ZNF676: variants seen among roughly 807,000 people sequenced by gnomAD.
The protein encoded by ZNF676 is zinc finger protein 676.
Under a neutral mutation model 6.0 loss-of-function variants are expected in ZNF676, and 4 were observed. That is an observed-to-expected ratio of 0.67 (90% confidence interval 0.33 to 1.53). The LOEUF is 1.53. ZNF676 is among the 40% of genes most tolerant of loss of function. ZNF676 has a pLI of 0.06. For synonymous variants in ZNF676, 198 were observed against 223.1 expected (o/e 0.89, Z 1.00); for missense variants, 644 against 679.7 (o/e 0.95, Z 0.58).
chr19:22,194,148 G>A (rs557945551), intron 1 of ZNF676, among the ~76,000 whole-genome samples: 54 of 152,224 alleles, frequency 3.5e-4, no homozygotes, highest in African/African-American at 1.2e-3. Context: ...TGCCTTAGCC[G>A]CCAAGCATGC....
At chr19:22,215,780 T>C (rs538391583), upstream of ZNF676, 211 of 944,578 alleles carry the variant, frequency 2.2e-4, 1 homozygote, top group East Asian at 6.2e-3. Flanking sequence ...ACCGACCACA[T>C]CCCGGAAGCC....
At chr19:22,258,447 G>A in the ZNF676 span, among the ~76,000 whole-genome samples, 1 of 152,072 alleles carries the variant, frequency 6.6e-6, no homozygotes, top group Non-Finnish European at 1.5e-5. Flanking sequence ...GTCCCCTGTG[G>A]GCAAAACCTA....
intron 2 of ZNF676, among the ~76,000 whole-genome samples, chr19:22,181,880 G>T (rs1212991102): frequency 6.6e-6 from 1 of 151,004 alleles, no homozygotes; most frequent in Non-Finnish European, 1.5e-5. Flanking sequence ...AACTCTTTCT[G>T]CTCCTCAATA....
chr19:22,246,757 T>C, the ZNF676 span, among the ~76,000 whole-genome samples: 3 of 152,124 alleles, frequency 2.0e-5, no homozygotes, highest in African/African-American at 7.2e-5. Flanking sequence ...GTGTGTGAGG[T>C]CCAGTGATAA....
intron 2 of ZNF676, among the ~76,000 whole-genome samples, chr19:22,189,436 A>C (rs2023876297): frequency 6.6e-6 from 1 of 152,174 alleles, no homozygotes; most frequent in South Asian, 2.1e-4. Flanking sequence ...AACCTAGAGA[A>C]TACTACTCAG....
At chr19:22,243,807 A>C in the ZNF676 span, 4 of 152,216 alleles carry the variant, frequency 2.6e-5, no homozygotes, top group African/African-American at 9.6e-5. Flanking sequence ...AATTGTGGCC[A>C]AATGTTAATA....
At chr19:22,227,766 T>C in the ZNF676 span, among the ~76,000 whole-genome samples, 1 of 152,190 alleles carries the variant, frequency 6.6e-6, no homozygotes, top group Admixed American at 6.6e-5. Context: ...CTAGAAGAAA[T>C]GGATAAATTC....
chr19:22,181,928 AT>A (rs11309473), intron 2 of ZNF676, among the ~76,000 whole-genome samples: 37,222 of 144,820 alleles, frequency 0.26, 4,642 homozygotes, highest in South Asian at 0.44. Context: ...TCCATTTCTG[AT>A]TTTTTTTTTT....
At chr19:22,208,010 G>T (rs2024093613) in intron 1 of ZNF676, among the ~76,000 whole-genome samples, 1 of 150,008 alleles carries the variant, frequency 6.7e-6, no homozygotes, top group African/African-American at 2.5e-5. Flanking sequence ...AAAAACCCTG[G>T]AAGATAAGAA....
intron 1 of ZNF676, among the ~76,000 whole-genome samples, chr19:22,212,963 C>G (rs1371022214): frequency 1.3e-5 from 2 of 151,992 alleles, no homozygotes; most frequent in Non-Finnish European, 1.5e-5. Flanking sequence ...CCACTGCACT[C>G]CAGCCTGGGC....
At chr19:22,252,826 A>C in the ZNF676 span, among the ~76,000 whole-genome samples, 62 of 152,358 alleles carry the variant, frequency 4.1e-4, no homozygotes, top group Middle Eastern at 6.8e-3. Flanking sequence ...CTGGTGCAGA[A>C]AGATGTCACT....
upstream of ZNF676, among the ~76,000 whole-genome samples, chr19:22,200,778 G>A (rs549214412): frequency 4.6e-4 from 70 of 152,138 alleles, no homozygotes; most frequent in African/African-American, 1.6e-3. Context: ...TCGAACTCCT[G>A]ACCTCAGGTG....
chr19:22,198,313 A>G (rs1382916675), upstream of ZNF676, among the ~76,000 whole-genome samples: 1 of 152,228 alleles, frequency 6.6e-6, no homozygotes, highest in Non-Finnish European at 1.5e-5. Context: ...AAGCCATAAT[A>G]TAGAGAAAGC....
intron 1 of ZNF676, among the ~76,000 whole-genome samples, chr19:22,202,551 T>C (rs759875977): frequency 6.6e-6 from 1 of 152,162 alleles, no homozygotes; most frequent in Non-Finnish European, 1.5e-5. Flanking sequence ...AAAATACAGT[T>C]AGAAGCAAAA....
At chr19:22,209,679 GGA>G (rs1199346958) in intron 1 of ZNF676, among the ~76,000 whole-genome samples, 1 of 152,142 alleles carries the variant, frequency 6.6e-6, no homozygotes, top group African/African-American at 2.4e-5. Flanking sequence ...TCCCTCGATT[GGA>G]GAGAGTGCAA....
the ZNF676 span, among the ~76,000 whole-genome samples, chr19:22,248,185 G>A: frequency 6.6e-6 from 1 of 152,078 alleles, no homozygotes; most frequent in African/African-American, 2.4e-5. Flanking sequence ...CTTTACTATT[G>A]TGAGTAGTGC....
the ZNF676 span, among the ~76,000 whole-genome samples, chr19:22,246,747 G>A: frequency 6.6e-6 from 1 of 152,194 alleles, no homozygotes; most frequent in Non-Finnish European, 1.5e-5. Context: ...TACATCACCT[G>A]TGTGTGAGGT....
chr19:22,203,632 T>C (rs1255218869), intron 1 of ZNF676: 3 of 152,504 alleles, frequency 2.0e-5, no homozygotes, highest in Non-Finnish European at 4.4e-5. Context: ...TTCATTCTTG[T>C]TGCCCAGGCT....
At chr19:22,215,323 T>C (rs1330530063) in intron 1 of ZNF676, among the ~76,000 whole-genome samples, 2 of 152,086 alleles carry the variant, frequency 1.3e-5, no homozygotes. Flanking sequence ...AACCCACACC[T>C]CAAGTCAGGA....
Sources: allele counts gnomAD v4.1 joint callset (sites outside exome capture counted in the v4.1 genomes callset), GRCh38; gene constraint gnomAD v4.1.1; transcripts MANE v1.5; gene names NCBI Gene and HGNC (gene_info 2026-07-23, HGNC 2026-07-21).